Variants in INPP4B observed in about 807,000 individuals in gnomAD.
The protein encoded by INPP4B is inositol polyphosphate-4-phosphatase type II B, also known as inositol polyphosphate 4-phosphatase type II.
INPP4B carries 55 observed loss-of-function variants against 122.5 expected under a neutral mutation model. The observed-to-expected ratio is 0.45, with a 90% CI of 0.36 to 0.56. The LOEUF (loss-of-function observed/expected upper bound fraction) is 0.56. Ranked by LOEUF, INPP4B falls within the 20% of genes least tolerant of loss-of-function variation. The pLI, the probability that INPP4B is intolerant of heterozygous loss-of-function variation, is 0.00. For synonymous variants in INPP4B, 403 were observed against 388.7 expected, an observed-to-expected ratio of 1.04 and a Z score of -0.43; for missense variants, 1,000 against 1,097.7, an observed-to-expected ratio of 0.91 and a Z score of 1.26.
intron 2 of INPP4B, among the ~76,000 whole-genome samples, chr4:142,500,463 A>G (rs964013053): frequency 2.6e-5 from 4 of 152,194 alleles, no homozygotes; most frequent in Non-Finnish European, 5.9e-5. Flanking sequence ...GCTTCTTGCT[A>G]GTTTTATAAC....
At position 142,628,870 on chromosome 4, in the gene INPP4B, A is replaced by C. The variant is rs10031862; in HGVS notation, c.-191+96969T>G. ...GGGAAGGTGTGCTGGGGAGGAGCACAAATAAAGTATCATAGATAACACAAA... is the reference window on the plus strand; with the variant it reads ...GGGAAGGTGTGCTGGGGAGGAGCACCAATAAAGTATCATAGATAACACAAA... On this transcript the variant is annotated intron_variant, in intron 2 of 25. Coordinates refer to ENST00000262992, the MANE Select transcript of INPP4B (RefSeq NM_001101669.3). Among the ~76,000 whole-genome samples, 348 of 152,230 alleles carry C rather than the reference A, an allele frequency of 2.3e-3. 1 individual carries two copies. Among genetic ancestry groups the C allele is most frequent in the African/African-American group, 7.8e-3 (325 of 41,554 alleles).
intron 1 of INPP4B, among the ~76,000 whole-genome samples, chr4:142,815,159 T>A (rs942566701): frequency 6.6e-6 from 1 of 152,274 alleles, no homozygotes; most frequent in East Asian, 1.9e-4. Flanking sequence ...TCCTACAAGA[T>A]GCCTGGACTG....
chr4:142,229,413 A>C (rs1853141194), intron 12 of INPP4B, among the ~76,000 whole-genome samples: 1 of 152,316 alleles, frequency 6.6e-6, no homozygotes, highest in East Asian at 1.9e-4. Context: ...AGGCTTTGAC[A>C]ATGGTGCCTT....
intron 15 of INPP4B, among the ~76,000 whole-genome samples, chr4:142,178,771 T>A (rs1829460254): frequency 6.7e-6 from 1 of 149,458 alleles, no homozygotes; most frequent in Admixed American, 6.7e-5. Context: ...GAATTAAGTG[T>A]CCAGAGAAAA....
intron 9 of INPP4B, among the ~76,000 whole-genome samples, chr4:142,304,840 TA>T (rs1187487754): frequency 6.6e-5 from 10 of 152,306 alleles, no homozygotes; most frequent in Non-Finnish European, 1.5e-4. Context: ...ACTTTGAATT[TA>T]AAAAGAAAAA....
chr4:142,651,184 G>T (rs1365045879), intron 2 of INPP4B, among the ~76,000 whole-genome samples: 1 of 152,094 alleles, frequency 6.6e-6, no homozygotes, highest in Non-Finnish European at 1.5e-5. Flanking sequence ...AGAACAAAGA[G>T]ACAATGTACC....
chr4:142,084,552 C>T (rs527759834), intron 24 of INPP4B, among the ~76,000 whole-genome samples: 138 of 152,006 alleles, frequency 9.1e-4, no homozygotes, highest in African/African-American at 2.9e-3. Flanking sequence ...AAAGGAATTT[C>T]GGTATTTATT....
chr4:142,160,353 C>T lies in INPP4B; in HGVS notation c.1563+5G>A. The T allele has an allele frequency of 6.7e-7, 1 of 1,489,900 alleles. No homozygotes were observed. The highest frequency in any genetic ancestry group is 9.1e-7 in the Non-Finnish European group (1 of 1,100,664). 92.3% of individuals were successfully genotyped at this position (1,489,900 alleles called of 1,614,324 possible). ...TGAGAGGCAAGCGATATACAAGAGA[C>T]TTACCCACTCTTCCTCATCATAGTC... On this transcript the variant is annotated splice_donor_5th_base_variant and intron_variant, in intron 17 of 25. Coordinates refer to ENST00000262992, the MANE Select transcript of INPP4B (RefSeq NM_001101669.3).
At chr4:142,844,633 T>C (rs1383311935) in intron 1 of INPP4B, among the ~76,000 whole-genome samples, 3 of 152,232 alleles carry the variant, frequency 2.0e-5, no homozygotes, top group Non-Finnish European at 2.9e-5. Flanking sequence ...AAGGAGAGGA[T>C]GCATTTCTGT....
At chr4:142,712,595 A>G (rs1763251040) in intron 2 of INPP4B, among the ~76,000 whole-genome samples, 1 of 152,234 alleles carries the variant, frequency 6.6e-6, no homozygotes, top group South Asian at 2.1e-4. Flanking sequence ...CGAAAGAAAA[A>G]AAAATTGATA....
chr4:142,265,594 A>C (rs757528925), intron 10 of INPP4B, among the ~76,000 whole-genome samples: 1 of 152,232 alleles, frequency 6.6e-6, no homozygotes, highest in Non-Finnish European at 1.5e-5. Context: ...GGGCCTTACT[A>C]TATATCTCAA....
chr4:142,133,124 C>G (rs75790232), intron 18 of INPP4B, among the ~76,000 whole-genome samples: 7,889 of 152,170 alleles, frequency 0.052, 714 homozygotes, highest in African/African-American at 0.18. Context: ...GTTGCTGGTT[C>G]CTTCACTTAT....
intron 2 of INPP4B, among the ~76,000 whole-genome samples, chr4:142,504,768 A>G (rs1580231970): frequency 6.6e-6 from 1 of 152,186 alleles, no homozygotes; most frequent in Non-Finnish European, 1.5e-5. Context: ...AACATCACCT[A>G]TATGTGCAAT....
intron 25 of INPP4B, among the ~76,000 whole-genome samples, chr4:142,063,267 A>C (rs1761933762): frequency 2.0e-5 from 3 of 152,288 alleles, no homozygotes; most frequent in Admixed American, 2.0e-4. Flanking sequence ...CTACCTTTGT[A>C]GGGAAAAGAA....
At chr4:142,423,908 G>T (rs1807480195) in intron 5 of INPP4B, 1 of 358,238 alleles carries the variant, frequency 2.8e-6, no homozygotes, top group Non-Finnish European at 5.4e-6. Flanking sequence ...TCCTATTTGA[G>T]GAGAATACTG....
At chr4:142,539,195 G>C (rs1828647489) in intron 2 of INPP4B, among the ~76,000 whole-genome samples, 1 of 151,162 alleles carries the variant, frequency 6.6e-6, no homozygotes, top group African/African-American at 2.4e-5. Context: ...CTGAGTGTCT[G>C]AGAAAGTCAA....
intron 9 of INPP4B, among the ~76,000 whole-genome samples, chr4:142,275,316 G>GAA (rs995278949): frequency 5.3e-4 from 80 of 151,752 alleles, no homozygotes; most frequent in Non-Finnish European, 7.4e-4. Context: ...CTCGATTTTG[G>GAA]AAATGCCACA....
At chr4:142,072,441 A>G (rs1194568047) in intron 25 of INPP4B, among the ~76,000 whole-genome samples, 1 of 151,958 alleles carries the variant, frequency 6.6e-6, no homozygotes, top group Non-Finnish European at 1.5e-5. Context: ...ACTAACCTGC[A>G]CATTGTGCAC....
intron 14 of INPP4B, among the ~76,000 whole-genome samples, chr4:142,194,948 A>G (rs976432121): frequency 6.6e-6 from 1 of 152,212 alleles, no homozygotes; most frequent in Admixed American, 6.5e-5. Context: ...GAAAAGAAAA[A>G]TGATGCTGGG....
Sources: gnomAD v4.1 joint callset for allele counts (sites outside exome capture counted in the v4.1 genomes callset) on GRCh38, gnomAD v4.1.1 for gene constraint, MANE v1.5 for transcripts, NCBI Gene and HGNC (gene_info 2026-07-23, HGNC 2026-07-21) for gene names.